SERGEF: variants seen among roughly 807,000 people sequenced by gnomAD.
SERGEF encodes secretion-regulating guanine nucleotide exchange factor.
In SERGEF, 51 loss-of-function variants were observed where a neutral mutation model predicts 50.0. The ratio of observed to expected loss-of-function variants is 1.02; its 90% CI spans 0.81 to 1.29. The LOEUF (loss-of-function observed/expected upper bound fraction) is 1.29, where lower values mean the gene tolerates loss of function less well. Ranked by LOEUF, SERGEF falls within the 50% of genes most tolerant of loss-of-function variation. The pLI is 0.00. For missense variants in SERGEF, 521 were observed against 557.0 expected (o/e 0.94, Z 0.65); for synonymous variants, 205 against 212.4 (o/e 0.97, Z 0.30).
chr11:17,838,966 C>T (rs891800695), intron 10 of SERGEF, among the ~76,000 whole-genome samples: 1 of 152,166 alleles, frequency 6.6e-6, no homozygotes, highest in East Asian at 1.9e-4. Flanking sequence ...ACTATTGCAC[C>T]TTGCAGAGCC....
At position 17,908,662 on chromosome 11, in the gene SERGEF, T is replaced by C. The variant is rs189994436; in HGVS notation, c.1012-30418A>G. Reference sequence around the variant, plus strand: ...CTTGACATCAGTATTCAGAAAACAGTTGATGAATGAGTGAGTGAGTAAATA... The same window carrying C: ...CTTGACATCAGTATTCAGAAAACAGCTGATGAATGAGTGAGTGAGTAAATA... On this transcript the variant is annotated intron_variant, in intron 9 of 10. Transcript: ENST00000265965. 4.6e-3 allele frequency among the ~76,000 whole-genome samples: 705 copies of C among 152,166 alleles called. 10 individuals are homozygous for C. Among genetic ancestry groups the C allele is most frequent in the Admixed American group, 4.6e-3 (71 of 15,288 alleles).
intron 7 of SERGEF, among the ~76,000 whole-genome samples, chr11:17,990,406 G>C (rs1241763889): frequency 1.3e-5 from 2 of 152,148 alleles, no homozygotes; most frequent in African/African-American, 4.8e-5. Flanking sequence ...CCCAGAGAGA[G>C]GTCAACCTCC....
At chr11:17,949,177 C>T (rs187689290) in intron 9 of SERGEF, among the ~76,000 whole-genome samples, 29 of 152,226 alleles carry the variant, frequency 1.9e-4, no homozygotes, top group African/African-American at 6.7e-4. Context: ...TCTTTATCTA[C>T]CTCAAGAGGT....
intron 10 of SERGEF, among the ~76,000 whole-genome samples, chr11:17,824,250 A>G (rs1034188605): frequency 6.6e-6 from 1 of 151,728 alleles, no homozygotes; most frequent in Non-Finnish European, 1.5e-5. Flanking sequence ...GCAGTGAGCC[A>G]AGATCGCACC....
intron 10 of SERGEF, among the ~76,000 whole-genome samples, chr11:17,861,617 C>T (rs1030551738): frequency 1.3e-5 from 2 of 152,240 alleles, no homozygotes; most frequent in Non-Finnish European, 2.9e-5. Flanking sequence ...AGTGAGCACA[C>T]ATGAGGACCT....
At chr11:17,911,404 C>T (rs1306604861) in intron 9 of SERGEF, among the ~76,000 whole-genome samples, 3 of 146,762 alleles carry the variant, frequency 2.0e-5, no homozygotes, top group East Asian at 3.9e-4. Context: ...CATATATATA[C>T]ACACACACAT....
At chr11:17,820,136 A>ATCTGGC (rs1443835999) in intron 10 of SERGEF, among the ~76,000 whole-genome samples, 1 of 151,908 alleles carries the variant, frequency 6.6e-6, no homozygotes, top group Non-Finnish European at 1.5e-5. Context: ...GAGCCACTGC[A>ATCTGGC]CCTGGCCCTA....
chr11:17,866,617 G>A (rs889123993), intron 10 of SERGEF, among the ~76,000 whole-genome samples: 4 of 152,112 alleles, frequency 2.6e-5, no homozygotes, highest in Non-Finnish European at 5.9e-5. Flanking sequence ...CAATTCTTGT[G>A]CCTCAGCCTC....
intron 10 of SERGEF, among the ~76,000 whole-genome samples, chr11:17,868,330 G>T (rs1271807556): frequency 6.6e-6 from 1 of 152,126 alleles, no homozygotes; most frequent in Non-Finnish European, 1.5e-5. Flanking sequence ...TAGGGCAGAG[G>T]CAAAATGCCA....
chr11:17,803,425 G>C (rs546783547), intron 10 of SERGEF, among the ~76,000 whole-genome samples: 2 of 152,258 alleles, frequency 1.3e-5, no homozygotes, highest in Non-Finnish European at 2.9e-5. Context: ...CAGTGGGTCA[G>C]AGAACTGGGA....
intron 9 of SERGEF, among the ~76,000 whole-genome samples, chr11:17,887,781 TAAC>T (rs995329705): frequency 2.6e-5 from 4 of 152,338 alleles, no homozygotes; most frequent in African/African-American, 9.6e-5. Context: ...AAATATGAAA[TAAC>T]ACAAATATTC....
chr11:17,995,051 G>A (rs1423029070), intron 6 of SERGEF, among the ~76,000 whole-genome samples: 1 of 152,104 alleles, frequency 6.6e-6, no homozygotes, highest in Non-Finnish European at 1.5e-5. Context: ...TGGAGACATG[G>A]TGCTGTATAC....
intron 9 of SERGEF, among the ~76,000 whole-genome samples, chr11:17,953,222 G>A (rs776748456): frequency 5.3e-5 from 8 of 152,230 alleles, no homozygotes; most frequent in Middle Eastern, 3.4e-3. Flanking sequence ...GTCCTACAGG[G>A]AACTTAGCCC....
chr11:17,827,851 C>T (rs985015399), intron 10 of SERGEF, among the ~76,000 whole-genome samples: 1 of 152,206 alleles, frequency 6.6e-6, no homozygotes, highest in Non-Finnish European at 1.5e-5. Flanking sequence ...AAGATGTAGA[C>T]TTGCTGACCA....
At chr11:18,009,815 G>A (rs1490802929) in intron 1 of SERGEF, among the ~76,000 whole-genome samples, 1 of 152,134 alleles carries the variant, frequency 6.6e-6, no homozygotes, top group Admixed American at 6.5e-5. Flanking sequence ...ACAGCTTTTA[G>A]AAAAGTAATA....
intron 10 of SERGEF, 108 bp downstream of exon 10, chr11:17,878,100 C>T: frequency 2.6e-6 from 2 of 771,188 alleles, no homozygotes; most frequent in Non-Finnish European, 2.2e-6. Flanking sequence ...TCTCCCCTAA[C>T]ACACATGCAT....
intron 1 of SERGEF, among the ~76,000 whole-genome samples, chr11:18,009,201 T>A (rs1419553930): frequency 2.0e-5 from 3 of 152,172 alleles, no homozygotes; most frequent in African/African-American, 7.2e-5. Context: ...AAAGAGGAAA[T>A]GACCTGTTAG....
intron 10 of SERGEF, among the ~76,000 whole-genome samples, chr11:17,788,889 A>G (rs970765388): frequency 2.6e-5 from 4 of 152,280 alleles, no homozygotes; most frequent in Non-Finnish European, 5.9e-5. Flanking sequence ...CATCAAGACA[A>G]TCTTCGACAA....
At chr11:18,003,660 G>A (rs926496676) in intron 4 of SERGEF, among the ~76,000 whole-genome samples, 9 of 152,146 alleles carry the variant, frequency 5.9e-5, no homozygotes, top group African/African-American at 1.9e-4. Context: ...CCGGGATCGC[G>A]CCACTGCACT....
Sources: gnomAD v4.1 joint callset for allele counts (sites outside exome capture counted in the v4.1 genomes callset) on GRCh38, gnomAD v4.1.1 for gene constraint, MANE v1.5 for transcripts, NCBI Gene and HGNC (gene_info 2026-07-23, HGNC 2026-07-21) for gene names.